The following PDE4D variants were observed in gnomAD, a reference collection of about 807,000 sequenced individuals.
The protein encoded by PDE4D is 3',5'-cyclic-AMP phosphodiesterase 4D.
A neutral mutation model predicts 87.4 loss-of-function variants in PDE4D; 24 were observed. That is an observed-to-expected ratio of 0.27 (90% CI 0.20 to 0.39). The LOEUF is 0.39. PDE4D is among the 10% of genes least tolerant of loss of function. The pLI is 1.00. For missense variants in PDE4D, 714 were observed against 1,041.0 expected (o/e 0.69, Z 4.32); for synonymous variants, 384 against 383.2 (o/e 1.00, Z -0.02).
At chr5:59,235,547 G>A (rs1485954638) in intron 1 of PDE4D, among the ~76,000 whole-genome samples, 1 of 152,142 alleles carries the variant, frequency 6.6e-6, no homozygotes, top group African/African-American at 2.4e-5. Flanking sequence ...CAAATCTTCT[G>A]TTCTTTGGAC....
chr5:60,293,619 T>C (rs1562295831), intron 1 of PDE4D, among the ~76,000 whole-genome samples: 1 of 152,242 alleles, frequency 6.6e-6, no homozygotes, highest in African/African-American at 2.4e-5. Context: ...GTCTTCCCTT[T>C]CAGAGGCTAA....
chr5:59,495,310 G>C (rs945035794), intron 1 of PDE4D, among the ~76,000 whole-genome samples: 1 of 152,096 alleles, frequency 6.6e-6, no homozygotes, highest in Non-Finnish European at 1.5e-5. Context: ...TTCTTTGCAA[G>C]TCCATCATAT....
At chr5:59,392,840 C>T (rs1422690905) in intron 1 of PDE4D, among the ~76,000 whole-genome samples, 1 of 152,018 alleles carries the variant, frequency 6.6e-6, no homozygotes, top group Non-Finnish European at 1.5e-5. Flanking sequence ...TGAAGACTTT[C>T]AGTAAGTCAC....
intron 1 of PDE4D, among the ~76,000 whole-genome samples, chr5:59,318,807 G>A (rs907071949): frequency 1.3e-5 from 2 of 151,972 alleles, no homozygotes; most frequent in Non-Finnish European, 2.9e-5. Flanking sequence ...AATAAACTAC[G>A]TAAGCAGCCC....
At chr5:59,425,373 T>C (rs1197234533) in intron 1 of PDE4D, among the ~76,000 whole-genome samples, 1 of 152,168 alleles carries the variant, frequency 6.6e-6, no homozygotes, top group African/African-American at 2.4e-5. Context: ...GGTCAAATAA[T>C]TTTTTGTTGT....
Position 59,893,383 on chromosome 5 carries a change from G to T in PDE4D, c.240C>A (p.Pro80=), listed in dbSNP as rs1345148257. 1.0e-5 allele frequency: 13 copies of T among 1,260,178 alleles called. No individual in the cohort carries two copies. The highest frequency in any genetic ancestry group is 4.7e-5 in the African/African-American group (3 of 63,934). The allele number at this position is 1,260,178 out of a possible 1,614,324, so 78.1% of individuals were successfully genotyped here. ...QCPLQPPPPP[P]LPPPPPPPGA... ...CGGGCGGCGGCGGGGGCGGCGGCAG[G>T]GGGGGCGGCGGCGGCGGCTGTAGCG... Residue 80 remains proline (P), a synonymous_variant, in exon 1 of 15, where the codon CCC becomes CCA. Coordinates refer to ENST00000340635, the MANE Select transcript of PDE4D (RefSeq NM_001104631.2).
chr5:59,371,524 A>G (rs542822296), intron 1 of PDE4D, among the ~76,000 whole-genome samples: 1 of 152,150 alleles, frequency 6.6e-6, no homozygotes, highest in Non-Finnish European at 1.5e-5. Flanking sequence ...TGTATCATCA[A>G]ATATTTTTCA....
chr5:59,892,314 T>C (rs1032868851), intron 1 of PDE4D, among the ~76,000 whole-genome samples: 1 of 152,156 alleles, frequency 6.6e-6, no homozygotes, highest in Non-Finnish European at 1.5e-5. Context: ...CTGCCCTGTC[T>C]TCCGGAGCAC....
intron 5 of PDE4D, among the ~76,000 whole-genome samples, chr5:59,094,236 A>C (rs1769281709): frequency 2.0e-5 from 3 of 150,116 alleles, no homozygotes; most frequent in African/African-American, 7.3e-5. Flanking sequence ...AAAAAAAAAA[A>C]AAAAAAAAAG....
intron 2 of PDE4D, among the ~76,000 whole-genome samples, chr5:60,158,277 G>T (rs75924453): frequency 0.013 from 1,963 of 152,228 alleles, 44 homozygotes; most frequent in East Asian, 0.046. Context: ...TTTCTCCTAG[G>T]CTATAAACCT....
intron 1 of PDE4D, among the ~76,000 whole-genome samples, chr5:59,348,171 A>G (rs957104050): frequency 6.6e-6 from 1 of 152,178 alleles, no homozygotes; most frequent in Non-Finnish European, 1.5e-5. Context: ...TTACATAAAA[A>G]TTTTTAACTA....
At chr5:60,050,507 G>A (rs973403962) in intron 2 of PDE4D, among the ~76,000 whole-genome samples, 3 of 152,110 alleles carry the variant, frequency 2.0e-5, no homozygotes, top group Admixed American at 2.0e-4. Context: ...TCACCACCAG[G>A]CCTGCCTTAC....
intron 1 of PDE4D, among the ~76,000 whole-genome samples, chr5:60,275,081 T>A (rs1751236122): frequency 6.6e-6 from 1 of 152,214 alleles, no homozygotes; most frequent in South Asian, 2.1e-4. Flanking sequence ...TTTGCATTTC[T>A]AACAAGTTTC....
At chr5:59,271,315 A>C (rs1410530222) in intron 1 of PDE4D, among the ~76,000 whole-genome samples, 1 of 152,202 alleles carries the variant, frequency 6.6e-6, no homozygotes, top group Non-Finnish European at 1.5e-5. Flanking sequence ...CAGGTATTAC[A>C]GGAGCAAGCT....
Position 60,303,825 on chromosome 5 carries a change from T to A in PDE4D, c.-89-118138A>T, listed in dbSNP as rs774098718. Among the ~76,000 whole-genome samples the A allele has an allele frequency of 2.0e-5, 3 of 152,334 alleles. No individual in the cohort carries two copies. The East Asian group carries it at 5.8e-4, about 29-fold the overall frequency. ...GTATCAGGTCTGCTTGATCCAGAGC[T>A]GAGTTCAGGTTCTGAATATCTTTGT... On this transcript the variant is annotated intron_variant, in intron 1 of 16. Transcript: ENST00000502484.
intron 1 of PDE4D, among the ~76,000 whole-genome samples, chr5:60,241,271 CTTTTTTT>C (rs371953042): frequency 1.0e-5 from 1 of 96,990 alleles, no homozygotes; most frequent in African/African-American, 4.0e-5. Flanking sequence ...CTCTCTCTCT[CTTTTTTT>C]TTTTTTTTTT....
At chr5:60,319,437 C>G (rs904239261) in intron 1 of PDE4D, among the ~76,000 whole-genome samples, 3 of 152,164 alleles carry the variant, frequency 2.0e-5, no homozygotes, top group Non-Finnish European at 4.4e-5. Context: ...CGAACTTCCT[C>G]CTTTAGCTCA....
At chr5:59,841,867 AAG>A (rs1384382187) in intron 1 of PDE4D, among the ~76,000 whole-genome samples, 1 of 152,060 alleles carries the variant, frequency 6.6e-6, no homozygotes, top group African/African-American at 2.4e-5. Context: ...AGAAGCTGCG[AAG>A]AGTTTGGCAA....
chr5:59,598,069 T>C (rs995968092), intron 1 of PDE4D, among the ~76,000 whole-genome samples: 6 of 152,150 alleles, frequency 3.9e-5, no homozygotes, highest in Non-Finnish European at 8.8e-5. Context: ...CACAAAACTA[T>C]TAATGTGAAA....
Sources: allele counts gnomAD v4.1 joint callset (sites outside exome capture counted in the v4.1 genomes callset), GRCh38; gene constraint gnomAD v4.1.1; transcripts MANE v1.5; gene names NCBI Gene and HGNC (gene_info 2026-07-23, HGNC 2026-07-21).